The following SOX5 variants were observed in gnomAD, a reference collection of about 807,000 sequenced individuals.
SOX5 encodes SRY-box transcription factor 5.
Under a neutral mutation model 92.0 loss-of-function variants are expected in SOX5, and 9 were observed. The observed-to-expected ratio is 0.10, with a 90% CI of 0.06 to 0.17. The LOEUF (loss-of-function observed/expected upper bound fraction) is 0.17, where lower values mean the gene tolerates loss of function less well. SOX5 is among the 10% of genes least tolerant of loss of function. The pLI is 1.00. For missense variants in SOX5, 642 were observed against 944.5 expected (o/e 0.68, Z 4.20); for synonymous variants, 344 against 336.3 (o/e 1.02, Z -0.25).
intron 7 of SOX5, among the ~76,000 whole-genome samples, chr12:23,652,515 CTGT>C (rs906700194): frequency 9.7e-6 from 1 of 102,648 alleles, no homozygotes; most frequent in Non-Finnish European, 1.9e-5. Flanking sequence ...ACCTCTTCTA[CTGT>C]TTTTTTTTTT....
At chr12:24,238,235 T>A (rs1247374627) in intron 3 of SOX5, among the ~76,000 whole-genome samples, 3 of 152,080 alleles carry the variant, frequency 2.0e-5, no homozygotes, top group Non-Finnish European at 4.4e-5. Context: ...ACATCTTTTC[T>A]CTCCATGGTG....
intron 1 of SOX5, among the ~76,000 whole-genome samples, chr12:24,436,052 C>G (rs1265433955): frequency 6.6e-6 from 1 of 152,140 alleles, no homozygotes; most frequent in African/African-American, 2.4e-5. Flanking sequence ...CTCCACTGAC[C>G]AGCCATTCCC....
chr12:24,010,015 T>G (rs1952728796), intron 4 of SOX5, among the ~76,000 whole-genome samples: 1 of 152,238 alleles, frequency 6.6e-6, no homozygotes, highest in South Asian at 2.1e-4. Context: ...GGTATTTTCT[T>G]ATCTTCATTC....
chr12:24,188,163 A>G (rs1199969495), intron 4 of SOX5, among the ~76,000 whole-genome samples: 1 of 152,174 alleles, frequency 6.6e-6, no homozygotes, highest in Non-Finnish European at 1.5e-5. Context: ...AGTAATTTGA[A>G]TGCTTCATTT....
At chr12:24,344,281 C>CAAA (rs61660537) in intron 2 of SOX5, among the ~76,000 whole-genome samples, 20 of 104,282 alleles carry the variant, frequency 1.9e-4, no homozygotes, top group African/African-American at 5.5e-4. Flanking sequence ...GACTCTGTCT[C>CAAA]AAAAAAAAAA....
intron 4 of SOX5, among the ~76,000 whole-genome samples, chr12:24,097,604 C>T (rs1286938012): frequency 6.6e-6 from 1 of 151,586 alleles, no homozygotes; most frequent in Non-Finnish European, 1.5e-5. Context: ...GCCATTTGTC[C>T]CAACATTACT....
chr12:24,474,728 G>A lies in SOX5; in HGVS notation c.-251+87601C>T, dbSNP rs147599020. ...TTTTTGTATTTTTAGTAGAGACGGC[G>A]TTTTACCATGTTGGCCATGCTGGTC... On this transcript the variant is annotated intron_variant, in intron 1 of 4. Transcript: ENST00000446891. 5.3e-4 allele frequency among the ~76,000 whole-genome samples: 81 copies of A among 152,016 alleles called. 1 individual carries two copies. The East Asian group carries it at 0.015, about 28-fold the overall frequency.
chr12:24,036,727 A>G (rs1227090713), intron 4 of SOX5, among the ~76,000 whole-genome samples: 2 of 152,146 alleles, frequency 1.3e-5, no homozygotes, highest in Non-Finnish European at 2.9e-5. Context: ...AGTGATGTAT[A>G]TAATGATCAT....
At position 23,633,920 on chromosome 12, in the gene SOX5, C is replaced by T. The variant is rs558613341; in HGVS notation, c.1017+6892G>A. On this transcript the variant is annotated intron_variant, in intron 8 of 14. Coordinates refer to ENST00000451604, the MANE Select transcript of SOX5 (RefSeq NM_006940.6). ...ATAAACTGTAATAAGTGCTAAAACA[C>T]ATTCTTTATGCAGCAACCCACTGTT... is the stretch of plus-strand genomic sequence containing the variant. Among the ~76,000 whole-genome samples, 3 of 152,116 alleles carry T rather than the reference C, an allele frequency of 2.0e-5. No homozygotes were observed. The South Asian group carries it at 6.2e-4, about 32-fold the overall frequency.
chr12:24,306,879 G>A (rs886108560), intron 2 of SOX5, among the ~76,000 whole-genome samples: 1 of 152,092 alleles, frequency 6.6e-6, no homozygotes, highest in African/African-American at 2.4e-5. Flanking sequence ...AGAAAGGAGA[G>A]AACACAGCTG....
In SOX5 at chr12:23,585,152, G is replaced by C. The variant is rs777215355; in HGVS notation, c.1165-9314C>G. Reference sequence around the variant, plus strand: ...ATGCACATACACATCGAGCAAATGTGATTTTGACTTGTGAATAACAGAATA... The same window carrying C: ...ATGCACATACACATCGAGCAAATGTCATTTTGACTTGTGAATAACAGAATA... On this transcript the variant is annotated intron_variant, in intron 9 of 14. Coordinates refer to ENST00000451604, the MANE Select transcript of SOX5 (RefSeq NM_006940.6). Among the ~76,000 whole-genome samples the C allele has an allele frequency of 5.9e-4, 90 of 152,132 alleles. 1 individual carries two copies. The highest frequency in any genetic ancestry group is 1.5e-4 in the Non-Finnish European group (10 of 68,024).
chr12:23,962,999 T>A (rs182741973), intron 4 of SOX5, among the ~76,000 whole-genome samples: 2 of 152,190 alleles, frequency 1.3e-5, no homozygotes, highest in Non-Finnish European at 2.9e-5. Flanking sequence ...GAATAGAATC[T>A]AATGATTTCC....
intron 11 of SOX5, among the ~76,000 whole-genome samples, chr12:23,551,676 T>C (rs1944246049): frequency 6.6e-6 from 1 of 151,906 alleles, no homozygotes; most frequent in Non-Finnish European, 1.5e-5. Context: ...AATTTTTCTA[T>C]TCATTTTCTC....
chr12:23,949,520 G>A, intron 1 of SOX5, 44 bp downstream of exon 1: 3 of 1,610,774 alleles, frequency 1.9e-6, no homozygotes, highest in Middle Eastern at 1.7e-4. Flanking sequence ...TGTAAAATGG[G>A]AGAGTTGTAC....
At chr12:24,092,514 T>C (rs531073197) in intron 4 of SOX5, among the ~76,000 whole-genome samples, 1 of 152,286 alleles carries the variant, frequency 6.6e-6, no homozygotes, top group South Asian at 2.1e-4. Flanking sequence ...CGCCTCAATA[T>C]AGATGCTCAC....
At chr12:24,141,639 C>T (rs1950592311) in intron 4 of SOX5, among the ~76,000 whole-genome samples, 1 of 152,220 alleles carries the variant, frequency 6.6e-6, no homozygotes, top group Admixed American at 6.5e-5. Flanking sequence ...GGTACCCTCT[C>T]TTGCACTAGT....
intron 3 of SOX5, among the ~76,000 whole-genome samples, chr12:23,796,008 G>A (rs1401579124): frequency 6.6e-6 from 1 of 152,064 alleles, no homozygotes; most frequent in African/African-American, 2.4e-5. Flanking sequence ...TGCCTGATGT[G>A]CAGCTGTCAT....
intron 4 of SOX5, among the ~76,000 whole-genome samples, chr12:24,210,137 T>C (rs566283904): frequency 1.3e-5 from 2 of 152,152 alleles, no homozygotes; most frequent in South Asian, 2.1e-4. Context: ...CTGTTATTTA[T>C]ATGAAACCAT....
At chr12:23,622,909 C>A (rs1303758290) in intron 8 of SOX5, among the ~76,000 whole-genome samples, 1 of 152,058 alleles carries the variant, frequency 6.6e-6, no homozygotes, top group East Asian at 1.9e-4. Flanking sequence ...AAAAAACAAA[C>A]TTTTGCCACC....
Sources: gnomAD v4.1 joint callset for allele counts (sites outside exome capture counted in the v4.1 genomes callset) on GRCh38, gnomAD v4.1.1 for gene constraint, MANE v1.5 for transcripts, NCBI Gene and HGNC (gene_info 2026-07-23, HGNC 2026-07-21) for gene names.